Variants in MRM1 observed in about 807,000 individuals in gnomAD.
MRM1 encodes the protein rRNA methyltransferase 1, mitochondrial.
In MRM1, 24 loss-of-function variants were observed where a neutral mutation model predicts 25.0. That is an observed-to-expected ratio of 0.96 (90% CI 0.69 to 1.35). MRM1 has a LOEUF of 1.35. Ranked by LOEUF, MRM1 falls within the 40% of genes most tolerant of loss-of-function variation. The probability of loss-of-function intolerance (pLI) is 0.00; values close to 1 mark genes in which losing one functional copy is unlikely to be tolerated. For missense variants in MRM1, 431 were observed against 464.1 expected, an observed-to-expected ratio of 0.93 and a Z score of 0.65; for synonymous variants, 188 against 199.2, an observed-to-expected ratio of 0.94 and a Z score of 0.47.
chr17:36,627,760 G>A, the MRM1 span, among the ~76,000 whole-genome samples: 1 of 142,852 alleles, frequency 7.0e-6, no homozygotes, highest in African/African-American at 2.7e-5. Context: ...CACAACCTGC[G>A]CCTCCTGGAT....
At chr17:36,604,679 G>A (rs1474455069) in intron 2 of MRM1, among the ~76,000 whole-genome samples, 1 of 152,056 alleles carries the variant, frequency 6.6e-6, no homozygotes, top group Non-Finnish European at 1.5e-5. Flanking sequence ...GGTGGTTCGT[G>A]CCTGTAGTCC....
At chr17:36,627,557 G>C in the MRM1 span, among the ~76,000 whole-genome samples, 1 of 151,896 alleles carries the variant, frequency 6.6e-6, no homozygotes, top group African/African-American at 2.4e-5. Flanking sequence ...TTATAATCTT[G>C]GCCAATATTA....
chr17:36,626,807 GT>G, the MRM1 span, among the ~76,000 whole-genome samples: 3 of 152,214 alleles, frequency 2.0e-5, no homozygotes, highest in Non-Finnish European at 2.9e-5. Context: ...AAGGGGAAGG[GT>G]TGACACTCGA....
At chr17:36,603,565 A>C (rs1047650871) in intron 2 of MRM1, among the ~76,000 whole-genome samples, 9 of 147,946 alleles carry the variant, frequency 6.1e-5, no homozygotes, top group African/African-American at 2.2e-4. Context: ...TGCCCAGCTA[A>C]TTTTTTTTTT....
intron 2 of MRM1, chr17:36,603,084 C>G (rs893393750): frequency 5.5e-5 from 54 of 985,274 alleles, no homozygotes; most frequent in Non-Finnish European, 6.1e-5. Context: ...AACCCCTCTC[C>G]CATCCGTTTG....
chr17:36,627,674 G>GTTTTC, the MRM1 span, among the ~76,000 whole-genome samples: 5 of 83,708 alleles, frequency 6.0e-5, no homozygotes, highest in East Asian at 3.2e-4. Context: ...TTTGGACACT[G>GTTTTC]TTTTTTTTTT....
the MRM1 span, among the ~76,000 whole-genome samples, chr17:36,628,431 T>G: frequency 2.0e-5 from 3 of 152,180 alleles, no homozygotes; most frequent in Admixed American, 1.3e-4. Flanking sequence ...TGGGCTGGGC[T>G]TCCGGAGGGG....
At chr17:36,633,859 C>T in the MRM1 span, among the ~76,000 whole-genome samples, 1 of 152,170 alleles carries the variant, frequency 6.6e-6, no homozygotes, top group Admixed American at 6.5e-5. Flanking sequence ...GCCTCTGATT[C>T]TCTCCTCCTC....
downstream of MRM1, among the ~76,000 whole-genome samples, chr17:36,613,383 C>T (rs1048346719): frequency 1.8e-4 from 27 of 152,270 alleles, no homozygotes; most frequent in African/African-American, 6.3e-4. Context: ...ATTAGCATGC[C>T]CATCTGCTAA....
In MRM1 at chr17:36,608,233, G is replaced by A; in HGVS notation, c.890-10G>A. 6.4e-7 allele frequency: 1 copy of A among 1,553,224 alleles called. No individual in the cohort carries two copies. The highest frequency in any genetic ancestry group is 8.7e-7 in the Non-Finnish European group (1 of 1,148,646). ...CCGTCCTCTCTTCCCTTGTCCTTGT[G>A]TCTGTGCAGGAATTCTTCTTCACTC... On this transcript the variant is annotated splice_polypyrimidine_tract_variant and intron_variant, in intron 4 of 4. Transcript: ENST00000614766.
downstream of MRM1, among the ~76,000 whole-genome samples, chr17:36,610,957 G>C (rs920355993): frequency 6.6e-6 from 1 of 152,142 alleles, no homozygotes; most frequent in Non-Finnish European, 1.5e-5. Flanking sequence ...GGGATTACAG[G>C]TATGTGCCAC....
chr17:36,612,867 G>T (rs1379195993), downstream of MRM1, among the ~76,000 whole-genome samples: 1 of 152,154 alleles, frequency 6.6e-6, no homozygotes, highest in Non-Finnish European at 1.5e-5. Context: ...AAAGCCTCTA[G>T]GGCCAGATTT....
At chr17:36,626,957 C>T in the MRM1 span, among the ~76,000 whole-genome samples, 3 of 152,208 alleles carry the variant, frequency 2.0e-5, no homozygotes, top group Non-Finnish European at 4.4e-5. Context: ...AGGCCTCAGA[C>T]CCCAGCCCCC....
the MRM1 span, among the ~76,000 whole-genome samples, chr17:36,618,373 G>A: frequency 6.6e-6 from 1 of 152,172 alleles, no homozygotes; most frequent in Non-Finnish European, 1.5e-5. Flanking sequence ...ATAGTATGTT[G>A]TAAGAAAAGT....
chr17:36,621,858 C>G, the MRM1 span, among the ~76,000 whole-genome samples: 1 of 152,078 alleles, frequency 6.6e-6, no homozygotes, highest in Non-Finnish European at 1.5e-5. Flanking sequence ...GTCTGTCTAT[C>G]CCCGTCTTCC....
At chr17:36,626,910 A>G in the MRM1 span, among the ~76,000 whole-genome samples, 3 of 152,272 alleles carry the variant, frequency 2.0e-5, no homozygotes, top group Non-Finnish European at 2.9e-5. Flanking sequence ...TGTCATTGTC[A>G]CAGCCCTGAC....
the MRM1 span, among the ~76,000 whole-genome samples, chr17:36,617,448 G>A: frequency 4.0e-5 from 6 of 148,190 alleles, no homozygotes; most frequent in Middle Eastern, 3.5e-3. Flanking sequence ...GCTGGAGTGC[G>A]GTGTCCTGAT....
chr17:36,629,176 G>A, the MRM1 span, among the ~76,000 whole-genome samples: 1 of 152,154 alleles, frequency 6.6e-6, no homozygotes, highest in Admixed American at 6.5e-5. Context: ...TAGGCTCTTC[G>A]AAAGGTCATT....
At chr17:36,631,627 C>T in the MRM1 span, among the ~76,000 whole-genome samples, 1 of 152,208 alleles carries the variant, frequency 6.6e-6, no homozygotes, top group Non-Finnish European at 1.5e-5. Context: ...TGCCAGTTTG[C>T]AGGCCGTCTG....
Sources: gnomAD v4.1 joint callset for allele counts (sites outside exome capture counted in the v4.1 genomes callset) on GRCh38, gnomAD v4.1.1 for gene constraint, MANE v1.5 for transcripts, NCBI Gene and HGNC (gene_info 2026-07-23, HGNC 2026-07-21) for gene names.